Variants in RBFOX2 observed in about 807,000 individuals in gnomAD.
RBFOX2 encodes RNA binding fox-1 homolog 2, also known as RNA binding protein fox-1 homolog 2.
RBFOX2 carries 10 observed loss-of-function variants against 49.1 expected under a neutral mutation model. The ratio of observed to expected loss-of-function variants is 0.20; its 90% CI spans 0.13 to 0.35. RBFOX2 has a LOEUF of 0.35. Among genes scored for constraint, RBFOX2 ranks in the 10% least tolerant of loss-of-function variants. The pLI, the probability that RBFOX2 is intolerant of heterozygous loss-of-function variation, is 1.00. For missense variants in RBFOX2, 323 were observed against 486.9 expected (o/e 0.66, Z 3.17); for synonymous variants, 183 against 187.4 (o/e 0.98, Z 0.19).
chr22:35,775,111 T>G (rs1943565387), intron 4 of RBFOX2, among the ~76,000 whole-genome samples: 1 of 152,132 alleles, frequency 6.6e-6, no homozygotes, highest in South Asian at 2.1e-4. Context: ...ATAAAAGGAT[T>G]AAGAAACTAA....
intron 1 of RBFOX2, among the ~76,000 whole-genome samples, chr22:35,911,147 A>T (rs2049776749): frequency 6.6e-6 from 1 of 152,158 alleles, no homozygotes; most frequent in Non-Finnish European, 1.5e-5. Context: ...TCTGGTCTCT[A>T]ATAATGTCCC....
chr22:35,909,454 T>C (rs1318427085), intron 1 of RBFOX2, among the ~76,000 whole-genome samples: 2 of 152,182 alleles, frequency 1.3e-5, no homozygotes, highest in Admixed American at 6.5e-5. Flanking sequence ...ACCTGAAATA[T>C]GTAACCCTGT....
intron 1 of RBFOX2, among the ~76,000 whole-genome samples, chr22:35,981,884 T>C (rs1394374263): frequency 6.6e-6 from 1 of 152,112 alleles, no homozygotes; most frequent in Non-Finnish European, 1.5e-5. Context: ...CTGTATACCC[T>C]GTAACGCACA....
chr22:35,923,003 T>C (rs1280759820), intron 1 of RBFOX2, among the ~76,000 whole-genome samples: 1 of 152,200 alleles, frequency 6.6e-6, no homozygotes, highest in Non-Finnish European at 1.5e-5. Context: ...GTCTTAGCAA[T>C]GACTTCCCCC....
At chr22:35,936,433 C>T (rs2053080663) in intron 1 of RBFOX2, among the ~76,000 whole-genome samples, 1 of 152,030 alleles carries the variant, frequency 6.6e-6, no homozygotes, top group Non-Finnish European at 1.5e-5. Context: ...AATCTCAAAA[C>T]GCAAAGTGAG....
chr22:35,980,875 T>C (rs1435469745), intron 1 of RBFOX2, among the ~76,000 whole-genome samples: 1 of 152,190 alleles, frequency 6.6e-6, no homozygotes, highest in Non-Finnish European at 1.5e-5. Flanking sequence ...AAATACCATT[T>C]GGCTGAGATC....
chr22:35,821,692 T>C, intron 1 of RBFOX2: 1 of 514,154 alleles, frequency 1.9e-6, no homozygotes, highest in South Asian at 1.4e-5. Flanking sequence ...TTTTAATAGT[T>C]CCCTAAAAGG....
At chr22:35,995,733 G>C (rs758505066) in intron 1 of RBFOX2, 6 of 155,680 alleles carry the variant, frequency 3.9e-5, no homozygotes, top group Middle Eastern at 3.2e-3. Flanking sequence ...AGGCCTCCCA[G>C]TCATGCCTCC....
At chr22:35,853,559 G>A (rs1461522064) in intron 1 of RBFOX2, among the ~76,000 whole-genome samples, 1 of 151,794 alleles carries the variant, frequency 6.6e-6, no homozygotes, top group Non-Finnish European at 1.5e-5. Flanking sequence ...ACACATATAC[G>A]TAATGTATTG....
chr22:35,963,740 TTTG>T (rs758851168), upstream of RBFOX2, among the ~76,000 whole-genome samples: 4 of 152,094 alleles, frequency 2.6e-5, no homozygotes, highest in South Asian at 2.1e-4. Context: ...ATATATTCTT[TTTG>T]TTGTTGTTGT....
At chr22:35,882,924 C>A (rs1048203302) in intron 1 of RBFOX2, among the ~76,000 whole-genome samples, 6 of 152,184 alleles carry the variant, frequency 3.9e-5, no homozygotes, top group Non-Finnish European at 7.3e-5. Context: ...GGTTTCTGTT[C>A]TCTAAAATCC....
intron 1 of RBFOX2, among the ~76,000 whole-genome samples, chr22:35,983,427 C>T (rs12160116): frequency 0.22 from 34,008 of 152,028 alleles, 5,957 homozygotes; most frequent in African/African-American, 0.49. Context: ...GTTTAGACCC[C>T]TTGGCCATTT....
intron 1 of RBFOX2, among the ~76,000 whole-genome samples, chr22:35,947,672 T>TAA (rs559788717): frequency 5.8e-3 from 197 of 34,108 alleles, no homozygotes; most frequent in Admixed American, 7.7e-3. Context: ...GTTTAAAAAG[T>TAA]AAAAAAAAAA....
chr22:36,009,293 CT>C (rs1461517943), intron 1 of RBFOX2, among the ~76,000 whole-genome samples: 1 of 152,150 alleles, frequency 6.6e-6, no homozygotes, highest in East Asian at 1.9e-4. Flanking sequence ...AAATAAAAAA[CT>C]GAAGCACAGA....
intron 4 of RBFOX2, among the ~76,000 whole-genome samples, chr22:35,769,880 A>G (rs190645580): frequency 2.0e-4 from 30 of 152,262 alleles, no homozygotes; most frequent in African/African-American, 6.7e-4. Context: ...GAGAATTCCA[A>G]TGGATGATCT....
chr22:35,746,427 A>C, intron 10 of RBFOX2, 46 bp downstream of exon 12: 1 of 1,443,170 alleles, frequency 6.9e-7, no homozygotes, highest in Non-Finnish European at 9.5e-7. Flanking sequence ...TTTGGGATGG[A>C]ACAGCTCTCA....
At chr22:35,961,482 T>C in intron 1 of RBFOX2, 1 of 1,272,422 alleles carries the variant, frequency 7.9e-7, no homozygotes, top group South Asian at 1.3e-5. Flanking sequence ...TGAACTGGAC[T>C]CCCCACACCT....
At chr22:35,839,735 T>G (rs1048676094) in intron 1 of RBFOX2, among the ~76,000 whole-genome samples, 1 of 152,198 alleles carries the variant, frequency 6.6e-6, no homozygotes. Context: ...AAAACTACAA[T>G]TCCATAGCCA....
At chr22:35,922,571 CAA>C (rs879283014) in intron 1 of RBFOX2, among the ~76,000 whole-genome samples, 3 of 125,080 alleles carry the variant, frequency 2.4e-5, no homozygotes, top group Admixed American at 8.2e-5. Flanking sequence ...GACTCCATTT[CAA>C]AAAAAAAAAA....
Sources: gnomAD v4.1 joint callset for allele counts (sites outside exome capture counted in the v4.1 genomes callset) on GRCh38, gnomAD v4.1.1 for gene constraint, MANE v1.5 for transcripts, NCBI Gene and HGNC (gene_info 2026-07-23, HGNC 2026-07-21) for gene names.